UTRN: variants seen among roughly 807,000 people sequenced by gnomAD.
The protein encoded by UTRN is utrophin.
UTRN carries 283 observed loss-of-function variants against 463.9 expected under a neutral mutation model. The ratio of observed to expected loss-of-function variants is 0.61; its 90% confidence interval spans 0.55 to 0.67. The LOEUF is 0.67. Among genes scored for constraint, UTRN ranks in the 30% least tolerant of loss-of-function variants. The pLI is 0.00. For synonymous variants in UTRN, 1,442 were observed against 1,431.5 expected (o/e 1.01, Z -0.17); for missense variants, 3,922 against 4,084.3 (o/e 0.96, Z 1.08).
chr6:144,736,797 C>T (rs1789458214), intron 54 of UTRN, among the ~76,000 whole-genome samples: 1 of 152,174 alleles, frequency 6.6e-6, no homozygotes, highest in East Asian at 1.9e-4. Context: ...CTCTTCACTC[C>T]ACTCTTGAGG....
chr6:144,622,212 G>A (rs1446609277), intron 51 of UTRN, among the ~76,000 whole-genome samples: 7 of 100,730 alleles, frequency 6.9e-5, no homozygotes, highest in African/African-American at 2.7e-4. Flanking sequence ...TTTTGGAGAC[G>A]GAGTCTTGCT....
chr6:144,850,224 C>T (rs749278592), intron 74 of UTRN, among the ~76,000 whole-genome samples: 1 of 152,136 alleles, frequency 6.6e-6, no homozygotes, highest in Non-Finnish European at 1.5e-5. Context: ...AAAGGAGGGG[C>T]TCCGTGGGCA....
rs372542538 is a variant in UTRN at position 144,609,822 on chromosome 6, T to C, written c.7479+32534T>C. Among the ~76,000 whole-genome samples, 4 of 152,086 alleles carry C rather than the reference T, an allele frequency of 2.6e-5. No individual in the cohort carries two copies. In the East Asian group the frequency reaches 7.7e-4, roughly 29 times the overall value. ...ATGTGGAAATTAAACAATATGCTCC[T>C]AAACAGCCACTGGGTCACAGAAAAA... On this transcript the variant is annotated intron_variant, in intron 51 of 74. Coordinates refer to ENST00000367545, the MANE Select transcript of UTRN (RefSeq NM_007124.3).
At chr6:144,499,161 G>A in intron 33 of UTRN, 96 bp from the exon 34 acceptor site, 1 of 1,321,902 alleles carries the variant, frequency 7.6e-7, no homozygotes, top group South Asian at 1.5e-5. Flanking sequence ...GGTTATATAT[G>A]AATCAGTTTG....
chr6:144,760,965 G>A (rs1044530307), intron 58 of UTRN, among the ~76,000 whole-genome samples: 2 of 152,134 alleles, frequency 1.3e-5, no homozygotes, highest in African/African-American at 4.8e-5. Flanking sequence ...ATCACTTAAA[G>A]CCCACTTTGA....
At chr6:144,344,800 G>T (rs191815355) in intron 2 of UTRN, among the ~76,000 whole-genome samples, 91 of 152,326 alleles carry the variant, frequency 6.0e-4, no homozygotes, top group African/African-American at 2.1e-3. Flanking sequence ...TTGTACTTTG[G>T]GGGACAGTAT....
At chr6:144,298,623 A>G (rs1441304643) in intron 2 of UTRN, among the ~76,000 whole-genome samples, 1 of 152,250 alleles carries the variant, frequency 6.6e-6, no homozygotes, top group Admixed American at 6.5e-5. Context: ...GTGGAGCTCA[A>G]CAACACATAG....
At chr6:144,815,632 A>G (rs1192827159) in intron 65 of UTRN, among the ~76,000 whole-genome samples, 2 of 152,212 alleles carry the variant, frequency 1.3e-5, no homozygotes, top group Admixed American at 6.5e-5. Context: ...GCACGGAAAA[A>G]GATGAAGGCC....
chr6:144,349,064 C>CA (rs1323824572), intron 2 of UTRN, among the ~76,000 whole-genome samples: 18 of 151,970 alleles, frequency 1.2e-4, no homozygotes, highest in Admixed American at 3.9e-4. Flanking sequence ...GGCTGGAGCG[C>CA]GTGATGGGAT....
chr6:144,787,155 C>G (rs945502942), intron 61 of UTRN, among the ~76,000 whole-genome samples: 1 of 152,136 alleles, frequency 6.6e-6, no homozygotes, highest in Non-Finnish European at 1.5e-5. Context: ...GTTCACAAAG[C>G]CTTCTGTTAT....
intron 24 of UTRN, among the ~76,000 whole-genome samples, chr6:144,474,094 T>C (rs1227507764): frequency 6.6e-6 from 1 of 151,608 alleles, no homozygotes; most frequent in African/African-American, 2.4e-5. Context: ...TAGGAGTCAT[T>C]GTATATTGCA....
At chr6:144,325,138 C>T (rs1215024316) in intron 2 of UTRN, among the ~76,000 whole-genome samples, 1 of 152,122 alleles carries the variant, frequency 6.6e-6, no homozygotes, top group Non-Finnish European at 1.5e-5. Context: ...CCAGGAGGTG[C>T]CCCAGTTCCT....
At chr6:144,807,254 A>T (rs1778230353) in intron 65 of UTRN, among the ~76,000 whole-genome samples, 1 of 152,122 alleles carries the variant, frequency 6.6e-6, no homozygotes, top group African/African-American at 2.4e-5. Context: ...ACCTTATTTT[A>T]AATCCACAAA....
chr6:144,411,912 G>A (rs1783928534), intron 3 of UTRN, among the ~76,000 whole-genome samples: 1 of 152,050 alleles, frequency 6.6e-6, no homozygotes, highest in African/African-American at 2.4e-5. Context: ...GAGATCTGCA[G>A]TCACTAATTG....
intron 51 of UTRN, chr6:144,660,024 C>T (rs1296641027): frequency 1.2e-5 from 4 of 342,012 alleles, no homozygotes; most frequent in Admixed American, 3.8e-5. Context: ...CATGAAAAAA[C>T]GGACCCACAG....
chr6:144,387,642 C>G (rs537144570), intron 2 of UTRN, among the ~76,000 whole-genome samples: 17 of 152,290 alleles, frequency 1.1e-4, no homozygotes, highest in African/African-American at 4.1e-4. Flanking sequence ...TTTTTCACTT[C>G]CAAGTGGAAA....
At chr6:144,571,036 G>T (rs1800894802) in intron 50 of UTRN, among the ~76,000 whole-genome samples, 1 of 151,964 alleles carries the variant, frequency 6.6e-6, no homozygotes, top group South Asian at 2.1e-4. Flanking sequence ...TAATAAAAAA[G>T]AATTCTGATT....
intron 2 of UTRN, among the ~76,000 whole-genome samples, chr6:144,351,020 A>G (rs1056828961): frequency 6.6e-6 from 1 of 152,176 alleles, no homozygotes; most frequent in African/African-American, 2.4e-5. Flanking sequence ...TTATTTCCAT[A>G]TGGATGGTAA....
At chr6:144,414,633 A>G (rs1478348241) in intron 3 of UTRN, among the ~76,000 whole-genome samples, 3 of 152,092 alleles carry the variant, frequency 2.0e-5, no homozygotes, top group Non-Finnish European at 4.4e-5. Context: ...AGGCCTTCAC[A>G]TTCATTTACC....
Sources: allele counts gnomAD v4.1 joint callset (sites outside exome capture counted in the v4.1 genomes callset), GRCh38; gene constraint gnomAD v4.1.1; transcripts MANE v1.5; gene names NCBI Gene and HGNC (gene_info 2026-07-23, HGNC 2026-07-21).